Variants in SLC25A42 observed in about 807,000 individuals in gnomAD.
SLC25A42 encodes mitochondrial coenzyme A transporter SLC25A42.
In SLC25A42, 19 loss-of-function variants were observed where a neutral mutation model predicts 34.7. That is an observed-to-expected ratio of 0.55 (90% CI 0.38 to 0.80). SLC25A42 has a LOEUF of 0.80. SLC25A42 is among the 30% of genes least tolerant of loss of function. The pLI is 0.00. For missense variants in SLC25A42, 364 were observed against 441.3 expected (o/e 0.82, Z 1.57); for synonymous variants, 205 against 191.2 (o/e 1.07, Z -0.59).
At position 19,111,087 on chromosome 19, in the gene SLC25A42, G is replaced by C. The variant is rs1026042795; in HGVS notation, c.*211G>C. 5.4e-5 allele frequency: 32 copies of C among 592,510 alleles called. No homozygotes were observed. Among genetic ancestry groups the C allele is most frequent in the African/African-American group, 9.6e-5 (5 of 52,294 alleles). 36.7% of individuals were successfully genotyped at this position (592,510 alleles called of 1,614,324 possible). On this transcript the variant is annotated 3_prime_UTR_variant, in exon 8 of 8. Coordinates refer to ENST00000318596, the MANE Select transcript of SLC25A42 (RefSeq NM_178526.5). The stretch of plus-strand genomic sequence containing the variant: ...AAGTGCAGTGTTGGGGCGATGGTGT[G>C]GGGGGTCCCGCAGCTCCCCTCTTCC...
rs990081054 is a variant in SLC25A42, at chr19:19,081,119, A to G, written c.-34-14972A>G. On this transcript the variant is annotated intron_variant, in intron 1 of 7. Transcript: ENST00000318596. This position sits in a 1 kb window ranked among gnomAD's most constrained non-coding sequence, Gnocchi z 4.5. ...TGACAGAGTGAGACCCTGAAAAAAT[A>G]AAAAAAAGAAGAAAGAAAGAATAAA... 6.6e-6 allele frequency among the ~76,000 whole-genome samples: 1 copy of G among 151,868 alleles called. No homozygotes were observed. The highest frequency in any genetic ancestry group is 1.5e-5 in the Non-Finnish European group (1 of 67,976).
At chr19:19,089,746 G>A (rs2059728019) in intron 1 of SLC25A42, among the ~76,000 whole-genome samples, 2 of 151,976 alleles carry the variant, frequency 1.3e-5, no homozygotes, top group South Asian at 2.1e-4. Context: ...GCACACGCCT[G>A]TAATCCCAGC....
chr19:19,073,786 A>G (rs2059642557), intron 1 of SLC25A42, among the ~76,000 whole-genome samples: 2 of 152,104 alleles, frequency 1.3e-5, no homozygotes, highest in South Asian at 4.1e-4. Flanking sequence ...GTTGGCCAGG[A>G]TAGTCTTGAA....
At chr19:19,070,446 C>T (rs913661784) in intron 1 of SLC25A42, among the ~76,000 whole-genome samples, 9 of 151,888 alleles carry the variant, frequency 5.9e-5, no homozygotes, top group African/African-American at 9.7e-5. Context: ...TACAGGTGCG[C>T]ACCACCGCAT....
At position 19,105,486 on chromosome 19, in the gene SLC25A42, G is replaced by A. The variant is rs1188151599; in HGVS notation, c.214-75G>A. On this transcript the variant is annotated intron_variant, in intron 4 of 7. Coordinates refer to ENST00000318596, the MANE Select transcript of SLC25A42 (RefSeq NM_178526.5). ...CCGGCCCCGCCTCCGCACTTTGGGC[G>A]CTCTGCTGGTCACAGAGGCCCGCAG... 6 of 1,539,726 alleles carry A rather than the reference G, an allele frequency of 3.9e-6. No homozygotes were observed. The African/African-American group carries it at 4.1e-5, about 11-fold the overall frequency.
intron 1 of SLC25A42, chr19:19,095,807 G>A (rs373067298): frequency 6.9e-5 from 30 of 437,752 alleles, no homozygotes; most frequent in African/African-American, 5.8e-4. Context: ...CCCGCTGGTA[G>A]CTGTGTGACC....
At chr19:19,069,506 A>C (rs2059618692) in intron 1 of SLC25A42, among the ~76,000 whole-genome samples, 1 of 152,172 alleles carries the variant, frequency 6.6e-6, no homozygotes, top group Non-Finnish European at 1.5e-5. Flanking sequence ...TGTCAACAGG[A>C]CTGGTTCCTT....
At chr19:19,078,623 C>T (rs1050324845) in intron 1 of SLC25A42, among the ~76,000 whole-genome samples, 7 of 152,144 alleles carry the variant, frequency 4.6e-5, no homozygotes, top group Non-Finnish European at 8.8e-5. Context: ...GAGTGACATA[C>T]GAATGTCCAG....
At position 19,074,774 on chromosome 19, in the gene SLC25A42, TGTGA is replaced by T. The variant is rs548183844; in HGVS notation, c.-35+10663_-35+10666del. On this transcript the variant is annotated intron_variant, in intron 1 of 7. Coordinates refer to ENST00000318596, the MANE Select transcript of SLC25A42 (RefSeq NM_178526.5). ...GAGCGAGTGTGAGTGTGTGTGTATG[TGTGA>T]GTGTGTATGTATTAGGATAGCCTGT... is the stretch of plus-strand genomic sequence containing the variant. Among the ~76,000 whole-genome samples, 208 of 152,116 alleles carry T rather than the reference TGTGA, an allele frequency of 1.4e-3. 1 individual carries two copies. Among genetic ancestry groups the T allele is most frequent in the African/African-American group, 4.8e-3 (198 of 41,506 alleles).
chr19:19,088,656 ATT>A (rs755546650), intron 1 of SLC25A42, among the ~76,000 whole-genome samples: 1 of 140,788 alleles, frequency 7.1e-6, no homozygotes. Context: ...CACCCGACTA[ATT>A]TTTTTTTTTT....
At chr19:19,067,426 A>T (rs2059608308) in intron 1 of SLC25A42, among the ~76,000 whole-genome samples, 2 of 152,170 alleles carry the variant, frequency 1.3e-5, no homozygotes, top group South Asian at 2.1e-4. Flanking sequence ...TATAAAAAAA[A>T]TTTTAAAATT....
Position 19,081,823 on chromosome 19 carries a change from C to G in SLC25A42, c.-34-14268C>G, listed in dbSNP as rs900447462. Among the ~76,000 whole-genome samples the G allele has an allele frequency of 6.6e-6, 1 of 152,256 alleles. No homozygotes were observed. Among genetic ancestry groups the G allele is most frequent in the Middle Eastern group, 3.2e-3 (1 of 316 alleles). On this transcript the variant is annotated intron_variant, in intron 1 of 7. Coordinates refer to ENST00000318596, the MANE Select transcript of SLC25A42 (RefSeq NM_178526.5). This position sits in a 1 kb window ranked among gnomAD's most constrained non-coding sequence, Gnocchi z 4.5. ...CTTCGCTCCTTTAGCCGAGTGACCT[C>G]TGTCCCTGGAGACCCATTCCTTCTC...
rs188439431 is a variant in SLC25A42, at chr19:19,091,329, G to A, written c.-34-4762G>A. Among the ~76,000 whole-genome samples the A allele has an allele frequency of 4.9e-3, 748 of 152,100 alleles. 9 individuals are homozygous for A. The highest frequency in any genetic ancestry group is 0.02 in the Middle Eastern group (6 of 294). On this transcript the variant is annotated intron_variant, in intron 1 of 7. Transcript: ENST00000318596. ...AAAACTTAGCCGGGCATGGTGGTGC[G>A]CGCCTATAATCCCAGCTAATCGGGA... is the stretch of plus-strand genomic sequence containing the variant.
chr19:19,101,749 C>T (rs777976599), intron 2 of SLC25A42, 32 bp from the exon 3 acceptor site: 2 of 1,590,798 alleles, frequency 1.3e-6, no homozygotes, highest in South Asian at 1.1e-5. Flanking sequence ...GCCCCCCTGC[C>T]CTCTGACCTC....
intron 2 of SLC25A42, among the ~76,000 whole-genome samples, chr19:19,097,038 C>A (rs369409566): frequency 4.6e-5 from 7 of 152,218 alleles, no homozygotes; most frequent in African/African-American, 1.4e-4. Flanking sequence ...CACAATTCCA[C>A]TGAAGAAAAG....
chr19:19,064,561 A>T (rs564404182), intron 1 of SLC25A42, among the ~76,000 whole-genome samples: 141 of 146,682 alleles, frequency 9.6e-4, no homozygotes, highest in Non-Finnish European at 1.6e-3. Flanking sequence ...CGCAACTCAC[A>T]CCTGGACCTA....
intron 2 of SLC25A42, among the ~76,000 whole-genome samples, chr19:19,096,797 C>T (rs527448001): frequency 1.3e-5 from 2 of 152,114 alleles, no homozygotes; most frequent in South Asian, 4.1e-4. Context: ...ATTAGCCAGG[C>T]GTGGTGGTGC....
intron 1 of SLC25A42, among the ~76,000 whole-genome samples, chr19:19,066,518 G>T (rs949265126): frequency 1.3e-5 from 2 of 149,768 alleles, no homozygotes; most frequent in Non-Finnish European, 3.0e-5. Flanking sequence ...GCGCGATCTC[G>T]GCTCACTGCA....
intron 1 of SLC25A42, among the ~76,000 whole-genome samples, chr19:19,092,100 C>T (rs1348975154): frequency 6.6e-6 from 1 of 152,194 alleles, no homozygotes; most frequent in East Asian, 1.9e-4. Context: ...GCCCACCGTG[C>T]TCCAGGCCTC....
Sources: allele counts gnomAD v4.1 joint callset (sites outside exome capture counted in the v4.1 genomes callset), GRCh38; gene constraint gnomAD v4.1.1; non-coding constraint Gnocchi (gnomAD v3.1); transcripts MANE v1.5; gene names NCBI Gene and HGNC (gene_info 2026-07-23, HGNC 2026-07-21).